The following MAGI1 variants were observed in gnomAD, a reference collection of about 807,000 sequenced individuals.
The protein encoded by MAGI1 is membrane associated guanylate kinase, WW and PDZ domain containing 1.
MAGI1 carries 58 observed loss-of-function variants against 139.9 expected under a neutral mutation model. That is an observed-to-expected ratio of 0.41 (90% confidence interval 0.34 to 0.52). MAGI1 has a LOEUF of 0.52. Ranked by LOEUF, MAGI1 falls within the 20% of genes least tolerant of loss-of-function variation. The pLI, the probability that MAGI1 is intolerant of heterozygous loss-of-function variation, is 0.12. For synonymous variants in MAGI1, 812 were observed against 737.9 expected (o/e 1.10, Z -1.63); for missense variants, 1,874 against 1,901.6 (o/e 0.99, Z 0.27).
intron 1 of MAGI1, among the ~76,000 whole-genome samples, chr3:65,936,302 T>A (rs972382261): frequency 1.4e-4 from 21 of 152,044 alleles, no homozygotes; most frequent in Admixed American, 2.0e-4. Flanking sequence ...AGAATCAAAA[T>A]TCCTAAGCGT....
chr3:65,677,274 T>G (rs1310830805), intron 1 of MAGI1, among the ~76,000 whole-genome samples: 1 of 152,154 alleles, frequency 6.6e-6, no homozygotes. Flanking sequence ...TAAAAATATT[T>G]TGGGAGGGGA....
chr3:65,474,240 G>T (rs574173348), intron 4 of MAGI1, among the ~76,000 whole-genome samples: 2 of 152,124 alleles, frequency 1.3e-5, no homozygotes, highest in Non-Finnish European at 2.9e-5. Context: ...ACTCCAGCCT[G>T]GGTCACAGAA....
intron 1 of MAGI1, among the ~76,000 whole-genome samples, chr3:65,947,930 A>G (rs1458002819): frequency 2.2e-5 from 3 of 138,722 alleles, no homozygotes; most frequent in Admixed American, 7.3e-5. Context: ...AATCAGCAAT[A>G]TCTTTCTCTT....
chr3:65,643,659 AAAC>A (rs368421465), intron 1 of MAGI1, among the ~76,000 whole-genome samples: 3 of 148,646 alleles, frequency 2.0e-5, no homozygotes, highest in Non-Finnish European at 4.5e-5. Context: ...GGATGAAGGA[AAAC>A]AACAACAACA....
chr3:65,770,428 C>T (rs2037855332), intron 1 of MAGI1, among the ~76,000 whole-genome samples: 1 of 152,196 alleles, frequency 6.6e-6, no homozygotes, highest in Non-Finnish European at 1.5e-5. Flanking sequence ...CAGGAAGAAA[C>T]TGACACGAGG....
chr3:66,032,391 T>TTG lies in MAGI1; in HGVS notation c.313+5604_313+5605insCA, dbSNP rs1553638277. On this transcript the variant is annotated intron_variant, in intron 1 of 22. Transcript: ENST00000402939. ...ACGCCCGGCTAATTTTTTTGTTTTTTTTTTTTTTTTAGTAGAGACAGGGTT... is the reference window on the plus strand; with the variant it reads ...ACGCCCGGCTAATTTTTTTGTTTTTTTGTTTTTTTTTTAGTAGAGACAGGGTT... Among the ~76,000 whole-genome samples, 9 of 147,954 alleles carry TTG rather than the reference T, an allele frequency of 6.1e-5. No individual in the cohort carries two copies. In the South Asian group the frequency reaches 8.7e-4, roughly 14 times the overall value.
intron 18 of MAGI1, among the ~76,000 whole-genome samples, chr3:65,368,534 T>C (rs1385034166): frequency 6.6e-6 from 1 of 152,244 alleles, no homozygotes. Flanking sequence ...ATTACAATTC[T>C]AACCTTGTTC....
intron 1 of MAGI1, among the ~76,000 whole-genome samples, chr3:65,952,038 T>C (rs1169873993): frequency 6.6e-6 from 1 of 152,204 alleles, no homozygotes; most frequent in African/African-American, 2.4e-5. Flanking sequence ...AAGTATTGCT[T>C]CTGTCACTGT....
intron 1 of MAGI1, among the ~76,000 whole-genome samples, chr3:65,753,843 G>A (rs1205249642): frequency 2.0e-5 from 3 of 152,066 alleles, no homozygotes; most frequent in African/African-American, 7.2e-5. Context: ...ATATCCAGGA[G>A]AAAGAAAAGT....
intron 2 of MAGI1, among the ~76,000 whole-genome samples, chr3:65,564,683 C>T (rs746924742): frequency 1.1e-4 from 17 of 152,142 alleles, no homozygotes; most frequent in Non-Finnish European, 2.1e-4. Flanking sequence ...TCAATAGCAA[C>T]GGAAAGATTT....
intron 1 of MAGI1, among the ~76,000 whole-genome samples, chr3:65,981,496 G>C (rs909127453): frequency 6.6e-6 from 1 of 152,160 alleles, no homozygotes; most frequent in Non-Finnish European, 1.5e-5. Flanking sequence ...CTGTAAAATT[G>C]AGATAATAAT....
chr3:65,477,711 A>ATTATTT (rs376492339), intron 4 of MAGI1, among the ~76,000 whole-genome samples: 22 of 141,608 alleles, frequency 1.6e-4, no homozygotes, highest in South Asian at 6.7e-4. Context: ...TATTATTATT[A>ATTATTT]TTTTTTTTTT....
chr3:65,562,267 A>G (rs2080395037), intron 2 of MAGI1, among the ~76,000 whole-genome samples: 1 of 152,236 alleles, frequency 6.6e-6, no homozygotes, highest in Non-Finnish European at 1.5e-5. Context: ...ACCACGTTTT[A>G]TCAAATCTGA....
At chr3:66,032,516 G>T (rs1334560004) in intron 1 of MAGI1, among the ~76,000 whole-genome samples, 3 of 150,994 alleles carry the variant, frequency 2.0e-5, no homozygotes, top group Non-Finnish European at 4.4e-5. Context: ...CACCACGCCT[G>T]GCCCTGCTGG....
chr3:65,871,916 G>C (rs532346326), intron 1 of MAGI1, among the ~76,000 whole-genome samples: 9 of 152,126 alleles, frequency 5.9e-5, no homozygotes, highest in Admixed American at 2.6e-4. Context: ...GCCTGGGTCG[G>C]TAACAGTTCT....
Position 65,909,507 on chromosome 3 carries a change from C to G in MAGI1, c.313+128489G>C, listed in dbSNP as rs564018552. On this transcript the variant is annotated intron_variant, in intron 1 of 22. Coordinates refer to ENST00000402939, the MANE Select transcript of MAGI1 (RefSeq NM_001033057.2). ...CCGTGATCACACCACTGCACTCCAA[C>G]CTGGGTGACAAAGCAAGACCCTGTC... Among the ~76,000 whole-genome samples, 3 of 152,138 alleles carry G rather than the reference C, an allele frequency of 2.0e-5. No homozygotes were observed. In the East Asian group the frequency reaches 5.8e-4, roughly 30 times the overall value.
intron 1 of MAGI1, among the ~76,000 whole-genome samples, chr3:65,705,246 A>G (rs2029988878): frequency 6.6e-6 from 1 of 152,188 alleles, no homozygotes; most frequent in Admixed American, 6.5e-5. Flanking sequence ...AGAGTATGTT[A>G]GCTTAACTGA....
At chr3:65,480,897 T>C (rs1951241165) in intron 3 of MAGI1, among the ~76,000 whole-genome samples, 1 of 152,092 alleles carries the variant, frequency 6.6e-6, no homozygotes, top group South Asian at 2.1e-4. Flanking sequence ...CAATAAGGTT[T>C]CTTTTTTAAG....
At chr3:65,411,113 T>C (rs1176760858) in intron 12 of MAGI1, among the ~76,000 whole-genome samples, 2 of 152,172 alleles carry the variant, frequency 1.3e-5, no homozygotes, top group Non-Finnish European at 1.5e-5. Flanking sequence ...CTAGGTAATA[T>C]TCCTACCAAG....
Sources: allele counts gnomAD v4.1 joint callset (sites outside exome capture counted in the v4.1 genomes callset), GRCh38; gene constraint gnomAD v4.1.1; transcripts MANE v1.5; gene names NCBI Gene and HGNC (gene_info 2026-07-23, HGNC 2026-07-21).